Variants in IL2RA observed in about 807,000 individuals in gnomAD.
IL2RA encodes the protein interleukin 2 receptor subunit alpha, also known as interleukin-2 receptor subunit alpha.
A neutral mutation model predicts 37.8 loss-of-function variants in IL2RA; 24 were observed. That is an observed-to-expected ratio of 0.63 (90% CI 0.46 to 0.89). The LOEUF is 0.89. Ranked by LOEUF, IL2RA falls within the 40% of genes least tolerant of loss-of-function variation. The pLI is 0.00. For synonymous variants in IL2RA, 125 were observed against 114.6 expected, an observed-to-expected ratio of 1.09 and a Z score of -0.58; for missense variants, 319 against 348.6, an observed-to-expected ratio of 0.92 and a Z score of 0.68.
rs1206923559 is a variant in IL2RA at position 6,025,482 on chromosome 10, C to T, written c.256+352G>A. Among the ~76,000 whole-genome samples the T allele has an allele frequency of 6.6e-6, 1 of 151,782 alleles. No individual in the cohort carries two copies. Among genetic ancestry groups the T allele is most frequent in the Non-Finnish European group, 1.5e-5 (1 of 67,952 alleles). On this transcript the variant is annotated intron_variant, in intron 2 of 7. Coordinates refer to ENST00000379959, the MANE Select transcript of IL2RA (RefSeq NM_000417.3). The surrounding 1 kb of genome is among the most constrained non-coding windows in gnomAD (Gnocchi z 4.4). Reference sequence around the variant, plus strand: ...ACCAGCCTGGCCAACATGGTGAAACCCCATCTCTACTAAAAATGCAAAAAT... The same window carrying T: ...ACCAGCCTGGCCAACATGGTGAAACTCCATCTCTACTAAAAATGCAAAAAT...
rs1839261946 is a variant in IL2RA, at chr10:6,015,551, G to A, written c.794+2502C>T. Among the ~76,000 whole-genome samples, 2 of 152,160 alleles carry A rather than the reference G, an allele frequency of 1.3e-5. No individual in the cohort carries two copies. The highest frequency in any genetic ancestry group is 4.1e-4 in the South Asian group (2 of 4,820). On this transcript the variant is annotated intron_variant, in intron 7 of 7. Transcript: ENST00000379959. The surrounding 1 kb of genome is among the most constrained non-coding windows in gnomAD (Gnocchi z 4.9). ...CCACAGGTGGGACCCAGCAATCTGTGCTTTAACAAGGCCTCCAGATGATTC... is the reference window on the plus strand; with the variant it reads ...CCACAGGTGGGACCCAGCAATCTGTACTTTAACAAGGCCTCCAGATGATTC...
rs974656830 is a variant in IL2RA, at chr10:6,015,991, T to C, written c.794+2062A>G. Reference sequence around the variant, plus strand: ...CTTCTCTTGGGAATGATGGAAGTATTCTGGAATCAGTGGGGATGGCTGTAC... The same window carrying C: ...CTTCTCTTGGGAATGATGGAAGTATCCTGGAATCAGTGGGGATGGCTGTAC... On this transcript the variant is annotated intron_variant, in intron 7 of 7. Coordinates refer to ENST00000379959, the MANE Select transcript of IL2RA (RefSeq NM_000417.3). The surrounding 1 kb of genome is among the most constrained non-coding windows in gnomAD (Gnocchi z 4.9). Among the ~76,000 whole-genome samples, 5 of 152,164 alleles carry C rather than the reference T, an allele frequency of 3.3e-5. No individual in the cohort carries two copies. The East Asian group carries it at 9.6e-4, about 29-fold the overall frequency.
Position 6,014,056 on chromosome 10 carries a change from C to G in IL2RA, c.795-1160G>C, listed in dbSNP as rs114324390. Among the ~76,000 whole-genome samples, 1,087 of 152,118 alleles carry G rather than the reference C, an allele frequency of 7.1e-3. 14 individuals carry two copies. The highest frequency in any genetic ancestry group is 0.025 in the African/African-American group (1,023 of 41,506). ...CTTTGTTGCCCAGGCTGGTCTCAAG[C>G]GAGCCTCTCACCTTAGTCTCCCGAA... On this transcript the variant is annotated intron_variant, in intron 7 of 7. Coordinates refer to ENST00000379959, the MANE Select transcript of IL2RA (RefSeq NM_000417.3). The surrounding 1 kb of genome is among the most constrained non-coding windows in gnomAD (Gnocchi z 4.4).
In IL2RA at chr10:6,025,499, T is replaced by C. The variant is rs1839467355; in HGVS notation, c.256+335A>G. ...GGTGAAACCCCATCTCTACTAAAAA[T>C]GCAAAAATTAGCCAGGCATGGTGGA... On this transcript the variant is annotated intron_variant, in intron 2 of 7. Coordinates refer to ENST00000379959, the MANE Select transcript of IL2RA (RefSeq NM_000417.3). The surrounding 1 kb of genome is among the most constrained non-coding windows in gnomAD (Gnocchi z 4.4). 6.6e-6 allele frequency among the ~76,000 whole-genome samples: 1 copy of C among 151,142 alleles called. No individual in the cohort carries two copies. Among genetic ancestry groups the C allele is most frequent in the Non-Finnish European group, 1.5e-5 (1 of 67,770 alleles).
chr10:6,044,257 G>A lies in IL2RA; in HGVS notation c.64+17831C>T, dbSNP rs1225917697. On this transcript the variant is annotated intron_variant, in intron 1 of 7. Coordinates refer to ENST00000379959, the MANE Select transcript of IL2RA (RefSeq NM_000417.3). This position sits in a 1 kb window ranked among gnomAD's most constrained non-coding sequence, Gnocchi z 4.5. ...TGCCCAGGAAGGAATTCAGGGGCAA[G>A]CCAGTGGTAGAATAAAAGAAAACAG... is the stretch of plus-strand genomic sequence containing the variant. Among the ~76,000 whole-genome samples, 1 of 152,254 alleles carries A rather than the reference G, an allele frequency of 6.6e-6. No individual in the cohort carries two copies. The highest frequency in any genetic ancestry group is 6.5e-5 in the Admixed American group (1 of 15,286).
intron 1 of IL2RA, among the ~76,000 whole-genome samples, chr10:6,027,162 A>G (rs1050209218): frequency 6.6e-6 from 1 of 152,142 alleles, no homozygotes; most frequent in East Asian, 1.9e-4. Context: ...AGTCTCTACT[A>G]AAAATACAAA....
In IL2RA at chr10:6,028,157, TG is replaced by T. The variant is rs1238340346; in HGVS notation, c.65-2133del. On this transcript the variant is annotated intron_variant, in intron 1 of 7. Transcript: ENST00000379959. The surrounding 1 kb of genome is among the most constrained non-coding windows in gnomAD (Gnocchi z 4.1). ...GCTTTCCTTCCCGGCAGCACCCAGG[TG>T]GAACCCAAGCAGAGTGGTTTCATTG... Among the ~76,000 whole-genome samples, 1 of 151,978 alleles carries T rather than the reference TG, an allele frequency of 6.6e-6. No homozygotes were observed. The highest frequency in any genetic ancestry group is 2.4e-5 in the African/African-American group (1 of 41,334).
Position 6,046,530 on chromosome 10 carries a change from T to C in IL2RA, c.64+15558A>G, listed in dbSNP as rs138472751. On this transcript the variant is annotated intron_variant, in intron 1 of 7. Transcript: ENST00000379959. This position sits in a 1 kb window ranked among gnomAD's most constrained non-coding sequence, Gnocchi z 4.8. ...TAGGTTACGTGGTACCAAAAGCCCATGCCTGTGCTCCAGGGACTGTTCTCA... is the reference window on the plus strand; with the variant it reads ...TAGGTTACGTGGTACCAAAAGCCCACGCCTGTGCTCCAGGGACTGTTCTCA... 6.6e-6 allele frequency among the ~76,000 whole-genome samples: 1 copy of C among 152,286 alleles called. No individual in the cohort carries two copies. Among genetic ancestry groups the C allele is most frequent in the East Asian group, 1.9e-4 (1 of 5,188 alleles).
intron 1 of IL2RA, among the ~76,000 whole-genome samples, chr10:6,037,377 T>C (rs1839704825): frequency 6.6e-6 from 1 of 152,164 alleles, no homozygotes; most frequent in Non-Finnish European, 1.5e-5. Context: ...TGAGATAAGA[T>C]TCTTTGCCCC....
chr10:6,055,202 T>C (rs2256774), intron 1 of IL2RA, among the ~76,000 whole-genome samples: 56,730 of 152,108 alleles, frequency 0.37, 11,054 homozygotes, highest in Middle Eastern at 0.52. Context: ...GGATGATTTC[T>C]AAATGCATTA....
At position 6,022,941 on chromosome 10, in the gene IL2RA, G is replaced by A. The variant is rs1839412871; in HGVS notation, c.368-1248C>T. ...TTCCAGGACAAAGTCGGAAGGGGAA[G>A]GAGTAAGAGCATCATGTTGCAACTG... On this transcript the variant is annotated intron_variant, in intron 3 of 7. Transcript: ENST00000379959. The surrounding 1 kb of genome is among the most constrained non-coding windows in gnomAD (Gnocchi z 4.7). Among the ~76,000 whole-genome samples, 2 of 152,194 alleles carry A rather than the reference G, an allele frequency of 1.3e-5. No individual in the cohort carries two copies. Among genetic ancestry groups the A allele is most frequent in the Admixed American group, 6.5e-5 (1 of 15,288 alleles).
chr10:6,019,554 C>A (rs778076848), intron 5 of IL2RA, 55 bp from the exon 6 acceptor site: 1 of 1,347,998 alleles, frequency 7.4e-7, no homozygotes, highest in Non-Finnish European at 1.1e-6. Flanking sequence ...TAGGACAGCA[C>A]GAGGCTAAAG....
At position 6,019,434 on chromosome 10, in the gene IL2RA, C is replaced by G. The variant is rs773200576; in HGVS notation, c.721G>C (p.Val241Leu). The G allele has an allele frequency of 1.5e-5, 24 of 1,610,826 alleles. No homozygotes were observed. The highest frequency in any genetic ancestry group is 2.7e-5 in the African/African-American group (2 of 74,854). The change falls in exon 6 of 8, where the codon GTA becomes CTA. Residue 241 changes from valine (V) to leucine (L), a missense_variant. Coordinates refer to ENST00000379959, the MANE Select transcript of IL2RA (RefSeq NM_000417.3). ...AAGCCAGTGCCCCACTCACCTGCTA[C>G]CTGGTACTCTGTTGTAAATATGGAC... ...ETSIFTTEYQ[V>L]AVAGCVFLLI...
intron 1 of IL2RA, among the ~76,000 whole-genome samples, chr10:6,052,605 A>G (rs934746341): frequency 6.6e-6 from 1 of 151,386 alleles, no homozygotes. Flanking sequence ...TGTAGCAACA[A>G]CTTCTCTCTG....
Position 6,020,380 on chromosome 10 carries a change from C to T in IL2RA, c.584-439G>A, listed in dbSNP as rs1437877827. Among the ~76,000 whole-genome samples, 8 of 152,178 alleles carry T rather than the reference C, an allele frequency of 5.3e-5. No homozygotes were observed. Among genetic ancestry groups the T allele is most frequent in the Non-Finnish European group, 5.9e-5 (4 of 68,022 alleles). ...CCCTGGCTCTGCCCTGCCTCTCACCCTCTTCCAAGGAAGCAGCAAGCATTC... is the reference window on the plus strand; with the variant it reads ...CCCTGGCTCTGCCCTGCCTCTCACCTTCTTCCAAGGAAGCAGCAAGCATTC... On this transcript the variant is annotated intron_variant, in intron 4 of 7. Coordinates refer to ENST00000379959, the MANE Select transcript of IL2RA (RefSeq NM_000417.3). The surrounding 1 kb of genome is among the most constrained non-coding windows in gnomAD (Gnocchi z 5.6).
At chr10:6,031,518 ATATG>A (rs200481846) in intron 1 of IL2RA, among the ~76,000 whole-genome samples, 10,037 of 94,406 alleles carry the variant, frequency 0.11, 767 homozygotes, top group Non-Finnish European at 0.15. Flanking sequence ...ATATGTATAT[ATATG>A]TATATATATA....
At chr10:6,023,016 T>C (rs1474811549) in intron 3 of IL2RA, among the ~76,000 whole-genome samples, 6 of 152,214 alleles carry the variant, frequency 3.9e-5, no homozygotes, top group Non-Finnish European at 7.3e-5. Context: ...AAGCTGTAAG[T>C]AAATTCAAAC....
Position 6,039,252 on chromosome 10 carries a change from A to G in IL2RA, c.65-13227T>C, listed in dbSNP as rs906381872. 13 of 152,264 alleles carry G rather than the reference A, an allele frequency of 8.5e-5. 1 individual carries two copies. Among genetic ancestry groups the G allele is most frequent in the Admixed American group, 3.9e-4 (6 of 15,290 alleles). The allele number at this position is 152,264 out of a possible 1,614,324, so 9.4% of individuals were successfully genotyped here. A position where few individuals can be genotyped will look rare whatever the true frequency, so the allele number is the denominator to read the frequency against. Reference sequence around the variant, plus strand: ...TTCACCAGGAAAACATAAAAATGCTATATGTGTATGCACTCAAAAACATCA... The same window carrying G: ...TTCACCAGGAAAACATAAAAATGCTGTATGTGTATGCACTCAAAAACATCA... On this transcript the variant is annotated intron_variant, in intron 1 of 7. Coordinates refer to ENST00000379959, the MANE Select transcript of IL2RA (RefSeq NM_000417.3).
chr10:6,029,948 A>G lies in IL2RA; in HGVS notation c.65-3923T>C, dbSNP rs1589297953. ...TCGAATTCCTGACCTCAGATGATCC[A>G]CCTGCCTTGGCCTCCCAAAGTGCTG... is the stretch of plus-strand genomic sequence containing the variant. On this transcript the variant is annotated intron_variant, in intron 1 of 7. Transcript: ENST00000379959. The surrounding 1 kb of genome is among the most constrained non-coding windows in gnomAD (Gnocchi z 4.6). 6.6e-6 allele frequency among the ~76,000 whole-genome samples: 1 copy of G among 152,122 alleles called. No homozygotes were observed. Among genetic ancestry groups the G allele is most frequent in the Admixed American group, 6.5e-5 (1 of 15,276 alleles).
Sources: gnomAD v4.1 joint callset for allele counts (sites outside exome capture counted in the v4.1 genomes callset) on GRCh38, gnomAD v4.1.1 for gene constraint, Gnocchi (gnomAD v3.1) non-coding constraint, MANE v1.5 for transcripts, NCBI Gene and HGNC (gene_info 2026-07-23, HGNC 2026-07-21) for gene names.